GPHA2: variants seen among roughly 807,000 people sequenced by gnomAD.
The protein encoded by GPHA2 is glycoprotein hormone subunit alpha 2, also known as glycoprotein hormone alpha-2.
A neutral mutation model predicts 15.3 loss-of-function variants in GPHA2; 12 were observed. The ratio of observed to expected loss-of-function variants is 0.78; its 90% CI spans 0.50 to 1.27. The LOEUF is 1.27. GPHA2 is among the 50% of genes most tolerant of loss of function. The pLI is 0.00. For synonymous variants in GPHA2, 61 were observed against 66.8 expected, an observed-to-expected ratio of 0.91 and a Z score of 0.42; for missense variants, 156 against 169.5, an observed-to-expected ratio of 0.92 and a Z score of 0.44.
chr11:64,935,297 GCT>G (rs1413377971), intron 2 of GPHA2, 59 bp downstream of exon 2: 1 of 1,483,364 alleles, frequency 6.7e-7, no homozygotes, highest in African/African-American at 1.4e-5. Context: ...CGTCCACTCA[GCT>G]CTTTGCTCCC....
intron 2 of GPHA2, 65 bp downstream of exon 2, chr11:64,935,293 C>CTCTG (rs2307669): frequency 0.65 from 945,025 of 1,447,476 alleles, 317,902 homozygotes; most frequent in Non-Finnish European, 0.69. Flanking sequence ...CCACCGTCCA[C>CTCTG]TCAGCTCTTT....
In GPHA2 at chr11:64,935,038, T is replaced by C; in HGVS notation, c.241A>G (p.Asn81Asp). Residue 81 changes from asparagine (N) to aspartate (D), a missense_variant, in exon 3 of 4, where the codon AAC (asparagine) becomes GAC (aspartate). Transcript: ENST00000279168. Reference protein sequence around the residue: ...SVLVASGYRHNITSVSQCCTI... With the variant: ...SVLVASGYRHDITSVSQCCTI... ...CAGCACTGAGAGACGGAGGTGATGT[T>C]GTGTCGGTAACCACTGGCCACCAGC... 6.2e-7 allele frequency: 1 copy of C among 1,614,006 alleles called. No individual in the cohort carries two copies. The highest frequency in any genetic ancestry group is 1.3e-5 in the African/African-American group (1 of 75,006).
chr11:64,936,759 T>G (rs1309253469), upstream of GPHA2, among the ~76,000 whole-genome samples: 1 of 152,108 alleles, frequency 6.6e-6, no homozygotes. Context: ...GTTTCAGAGT[T>G]GCATGGCCAC....
rs763701817 is a variant in GPHA2, at chr11:64,935,343, C to CTAGGTACTCACGGTGCAAGTGGCA, written c.103+14_103+15insTGCCACTTGCACCGTGAGTACCTA. 1.3e-6 allele frequency: 2 copies of CTAGGTACTCACGGTGCAAGTGGCA among 1,570,254 alleles called. No individual in the cohort carries two copies. Among genetic ancestry groups the CTAGGTACTCACGGTGCAAGTGGCA allele is most frequent in the Non-Finnish European group, 1.7e-6 (2 of 1,156,824 alleles). ...CCTCCACTGCTCCTAGCCCTCCGGT[C>CTAGGTACTCACGGTGCAAGTGGCA]CCAGAGGTACTCACGGTGCAAGTGG... is the stretch of plus-strand genomic sequence containing the variant. On this transcript the variant is annotated intron_variant, in intron 2 of 3. Transcript: ENST00000279168.
At chr11:64,936,457 A>AT (rs1945294923), upstream of GPHA2, among the ~76,000 whole-genome samples, 2 of 151,764 alleles carry the variant, frequency 1.3e-5, no homozygotes, top group African/African-American at 4.8e-5. Flanking sequence ...TAACTTTTGT[A>AT]TTTTTTTGTA....
Position 64,934,712 on chromosome 11 carries a change from GT to G in GPHA2, c.*60del, listed in dbSNP as rs1945269532. The G allele has an allele frequency of 7.3e-7, 1 of 1,364,838 alleles. No individual in the cohort carries two copies. Among genetic ancestry groups the G allele is most frequent in the Non-Finnish European group, 1.0e-6 (1 of 952,468 alleles). 84.5% of individuals were successfully genotyped at this position (1,364,838 alleles called of 1,614,324 possible). ...TCCAGTTTTTGAATCTTGAACACAG[GT>G]TTCCCCCACCAGAACGTCAAGCCCT... is the stretch of plus-strand genomic sequence containing the variant. On this transcript the variant is annotated 3_prime_UTR_variant, in exon 4 of 4. Coordinates refer to ENST00000279168, the MANE Select transcript of GPHA2 (RefSeq NM_130769.4).
At chr11:64,935,569 G>A in intron 1 of GPHA2, 109 bp from the exon 2 acceptor site, 1 of 686,204 alleles carries the variant, frequency 1.5e-6, no homozygotes, top group Non-Finnish European at 2.5e-6. Context: ...TCTGACAGGT[G>A]AGGTGTGCCT....
chr11:64,937,663 G>A (rs1945308313), upstream of GPHA2: 1 of 152,264 alleles, frequency 6.6e-6, no homozygotes, highest in Non-Finnish European at 1.5e-5. Flanking sequence ...TGTGACAGAT[G>A]ATGGCTTCTG....
chr11:64,935,534 A>G (rs1945284722), intron 1 of GPHA2, 74 bp from the exon 2 acceptor site: 8 of 999,490 alleles, frequency 8.0e-6, no homozygotes, highest in Non-Finnish European at 1.2e-5. Flanking sequence ...ACTGCATTCC[A>G]GGTGAGTGAG....
rs754722518 is a variant in GPHA2, at chr11:64,934,902, G to T, written c.289-28C>A. On this transcript the variant is annotated intron_variant, in intron 3 of 3. Coordinates refer to ENST00000279168, the MANE Select transcript of GPHA2 (RefSeq NM_130769.4). Reference sequence around the variant, plus strand: ...GCGGGAGAGGGGAGTCCGTGCTGCAGTCCCCTTTCTCAGGGCTGTCTAGGA... The same window carrying T: ...GCGGGAGAGGGGAGTCCGTGCTGCATTCCCCTTTCTCAGGGCTGTCTAGGA... The T allele has an allele frequency of 6.2e-6, 10 of 1,609,980 alleles. No homozygotes were observed. The East Asian group carries it at 2.2e-4, about 36-fold the overall frequency.
rs901661414 is a variant in GPHA2 at position 64,935,235 on chromosome 11, T to C, written c.104-60A>G. ...CTGCCAAGGTTTGCCTCGCCCCAGCTCCCGTTGCCTGTGCCTCAGTGTGGG... is the reference window on the plus strand; with the variant it reads ...CTGCCAAGGTTTGCCTCGCCCCAGCCCCCGTTGCCTGTGCCTCAGTGTGGG... On this transcript the variant is annotated intron_variant, in intron 2 of 3. Coordinates refer to ENST00000279168, the MANE Select transcript of GPHA2 (RefSeq NM_130769.4). 1.6e-5 allele frequency: 24 copies of C among 1,540,036 alleles called. No homozygotes were observed. In the Admixed American group the frequency reaches 2.3e-4, roughly 15 times the overall value.
At chr11:64,935,611 T>TG in intron 1 of GPHA2, 151 bp from the exon 2 acceptor site, 1 of 561,272 alleles carries the variant, frequency 1.8e-6, no homozygotes. Flanking sequence ...GTATCTGCCT[T>TG]TGTGTGTGTG....
At chr11:64,937,584 C>T (rs922670275), upstream of GPHA2, 2 of 152,266 alleles carry the variant, frequency 1.3e-5, no homozygotes, top group African/African-American at 4.8e-5. Flanking sequence ...GGCAGCATAG[C>T]AACAGGACGC....
At chr11:64,937,400 G>C (rs1194818907), upstream of GPHA2, 2 of 152,164 alleles carry the variant, frequency 1.3e-5, no homozygotes, top group African/African-American at 2.4e-5. Flanking sequence ...TGGGACAGTC[G>C]AGTAAAGGCT....
At chr11:64,935,753 A>G (rs768910098) in intron 1 of GPHA2, 81 bp downstream of exon 1, 2 of 276,614 alleles carry the variant, frequency 7.2e-6, no homozygotes, top group Non-Finnish European at 1.4e-5. Context: ...TCCTCCCTCC[A>G]TCTGCCCCAT....
chr11:64,937,634 T>G (rs1289207765), upstream of GPHA2: 1 of 152,224 alleles, frequency 6.6e-6, no homozygotes, highest in Admixed American at 6.5e-5. Flanking sequence ...CTCCCACTCT[T>G]GAGGGGCACC....
chr11:64,935,522 A>G, intron 1 of GPHA2, 62 bp from the exon 2 acceptor site: 1 of 1,145,442 alleles, frequency 8.7e-7, no homozygotes, highest in Non-Finnish European at 1.2e-6. Flanking sequence ...AGTTCTTTAA[A>G]TACTGCATTC....
chr11:64,934,860 CA>C lies in GPHA2; in HGVS notation c.302del (p.Leu101ArgfsTer44). On this transcript the variant is annotated frameshift_variant, in exon 4 of 4. Coordinates refer to ENST00000279168, the MANE Select transcript of GPHA2 (RefSeq NM_130769.4). LOFTEE classifies it high-confidence loss of function. Reference protein sequence around the residue: ...ISGLKKVKVQLQCVGSRREEL... With the variant: ...ISGLKKVKVQXQCVGSRREEL... ...CCTCCCTCCGGCTCCCCACACACTGCAGCTGTACTTTGACCTGCGGGAGAGG... is the reference window on the plus strand; with the variant it reads ...CCTCCCTCCGGCTCCCCACACACTGCGCTGTACTTTGACCTGCGGGAGAGG... 7.4e-6 allele frequency: 12 copies of C among 1,614,032 alleles called. No individual in the cohort carries two copies. The highest frequency in any genetic ancestry group is 9.3e-6 in the Non-Finnish European group (11 of 1,179,968).
At chr11:64,937,206 A>T (rs191759363), upstream of GPHA2, among the ~76,000 whole-genome samples, 1 of 152,340 alleles carries the variant, frequency 6.6e-6, no homozygotes, top group Non-Finnish European at 1.5e-5. Context: ...ACAGACTGCT[A>T]GAGCTAGAAG....
Sources: allele counts gnomAD v4.1 joint callset (sites outside exome capture counted in the v4.1 genomes callset), GRCh38; gene constraint gnomAD v4.1.1; transcripts MANE v1.5; gene names NCBI Gene and HGNC (gene_info 2026-07-23, HGNC 2026-07-21).